Variants in PHACTR3 observed in about 807,000 individuals in gnomAD.
PHACTR3 encodes the protein phosphatase and actin regulator 3.
PHACTR3 carries 16 observed loss-of-function variants against 66.8 expected under a neutral mutation model. The ratio of observed to expected loss-of-function variants is 0.24; its 90% CI spans 0.16 to 0.36. The LOEUF is 0.36. Ranked by LOEUF, PHACTR3 falls within the 10% of genes least tolerant of loss-of-function variation. The pLI is 1.00. For synonymous variants in PHACTR3, 323 were observed against 292.1 expected, an observed-to-expected ratio of 1.11 and a Z score of -1.08; for missense variants, 647 against 719.9, an observed-to-expected ratio of 0.90 and a Z score of 1.16.
chr20:59,764,092 G>A (rs113580124), intron 4 of PHACTR3, among the ~76,000 whole-genome samples: 71 of 152,266 alleles, frequency 4.7e-4, no homozygotes, highest in African/African-American at 1.6e-3. Flanking sequence ...CAGGCCAAGC[G>A]GGACAACCTG....
Position 59,604,951 on chromosome 20 carries a change from G to A in PHACTR3, c.-64G>A. 1 of 1,208,780 alleles carries A rather than the reference G, an allele frequency of 8.3e-7. No homozygotes were observed. 74.9% of individuals were successfully genotyped at this position (1,208,780 alleles called of 1,614,324 possible). On this transcript the variant is annotated 5_prime_UTR_variant, in exon 1 of 13. Transcript: ENST00000371015. ...CTCCAGCCCCCTCGCCGGTGACCTT[G>A]GCCGCCTCGGATGCTCTGATTCCAC...
At chr20:59,795,939 C>T (rs2041242324) in intron 7 of PHACTR3, among the ~76,000 whole-genome samples, 1 of 152,076 alleles carries the variant, frequency 6.6e-6, no homozygotes, top group Non-Finnish European at 1.5e-5. Flanking sequence ...TCTATTTTAG[C>T]TGGAGACTTT....
chr20:59,816,681 G>C (rs2041896052), intron 8 of PHACTR3, among the ~76,000 whole-genome samples: 1 of 152,220 alleles, frequency 6.6e-6, no homozygotes, highest in African/African-American at 2.4e-5. Flanking sequence ...CTGGTACACA[G>C]TAGGCTCCCA....
chr20:59,604,101 T>C (rs1742169446), upstream of PHACTR3, among the ~76,000 whole-genome samples: 1 of 151,782 alleles, frequency 6.6e-6, no homozygotes, highest in African/African-American at 2.4e-5. Context: ...GAGCGAGGGT[T>C]CGGAGGGTCC....
chr20:59,615,584 T>C (rs2033999630), intron 1 of PHACTR3, among the ~76,000 whole-genome samples: 1 of 152,208 alleles, frequency 6.6e-6, no homozygotes, highest in South Asian at 2.1e-4. Context: ...TCTCCAGACC[T>C]CCGTGGCCCT....
chr20:59,683,293 C>A lies in PHACTR3; in HGVS notation c.119-59814C>A, dbSNP rs568477351. On this transcript the variant is annotated intron_variant, in intron 1 of 12. Coordinates refer to ENST00000371015, the MANE Select transcript of PHACTR3 (RefSeq NM_080672.5). ...GAATTTGGAGCATCTATTTGACATC[C>A]GTGCAAAGATGACAAATTGGCAATT... Among the ~76,000 whole-genome samples the A allele has an allele frequency of 3.9e-5, 6 of 152,266 alleles. No homozygotes were observed. In the East Asian group the frequency reaches 1.2e-3, roughly 29 times the overall value.
intron 7 of PHACTR3, among the ~76,000 whole-genome samples, chr20:59,792,858 A>G (rs1319694233): frequency 6.6e-6 from 1 of 152,134 alleles, no homozygotes; most frequent in Non-Finnish European, 1.5e-5. Context: ...TGTTTTGGTT[A>G]CTATAGCTTT....
chr20:59,591,398 G>A (rs2033178272), intron 1 of PHACTR3, among the ~76,000 whole-genome samples: 2 of 152,186 alleles, frequency 1.3e-5, no homozygotes, highest in African/African-American at 4.8e-5. Flanking sequence ...CCCAGCTCTG[G>A]CCTTGGCCTC....
At chr20:59,836,316 G>C in intron 8 of PHACTR3, 189 bp from the exon 9 acceptor site, 1 of 568,246 alleles carries the variant, frequency 1.8e-6, no homozygotes, top group Non-Finnish European at 3.1e-6. Context: ...GGAGAGCTTT[G>C]ACTGTCACCT....
chr20:59,660,273 T>G (rs973582749), intron 1 of PHACTR3, among the ~76,000 whole-genome samples: 1 of 152,286 alleles, frequency 6.6e-6, no homozygotes, highest in South Asian at 2.1e-4. Context: ...GGTGGGCAGA[T>G]CACGAGGTCA....
chr20:59,634,194 T>C (rs1395441091), intron 1 of PHACTR3, among the ~76,000 whole-genome samples: 4 of 152,192 alleles, frequency 2.6e-5, no homozygotes, highest in African/African-American at 4.8e-5. Context: ...GCTGGAAATA[T>C]TTAAGGCAAT....
chr20:59,676,850 C>A, intron 1 of PHACTR3: 1 of 452,432 alleles, frequency 2.2e-6, no homozygotes, highest in Non-Finnish European at 2.9e-6. Context: ...AAAGGGTTTG[C>A]AAATTCTAGC....
intron 2 of PHACTR3, among the ~76,000 whole-genome samples, chr20:59,746,881 T>C (rs930392158): frequency 6.6e-6 from 1 of 152,104 alleles, no homozygotes; most frequent in Non-Finnish European, 1.5e-5. Context: ...TGAGATGTAA[T>C]TGGTTCATTG....
chr20:59,794,085 C>T (rs1317828953), intron 7 of PHACTR3, among the ~76,000 whole-genome samples: 4 of 136,014 alleles, frequency 2.9e-5, no homozygotes, highest in African/African-American at 5.6e-5. Flanking sequence ...GATTGTGCCA[C>T]TGCACTCCAG....
chr20:59,654,258 G>A (rs954843924), intron 1 of PHACTR3, among the ~76,000 whole-genome samples: 1 of 152,116 alleles, frequency 6.6e-6, no homozygotes, highest in African/African-American at 2.4e-5. Context: ...CTGCCTTCCT[G>A]TTTTATTTAT....
At chr20:59,584,002 C>T (rs890169061) in intron 1 of PHACTR3, among the ~76,000 whole-genome samples, 13 of 152,222 alleles carry the variant, frequency 8.5e-5, no homozygotes, top group African/African-American at 2.9e-4. Flanking sequence ...TGGGCCAGAC[C>T]GGTGGGCTCG....
At chr20:59,592,713 T>G (rs910882966) in intron 1 of PHACTR3, among the ~76,000 whole-genome samples, 1 of 152,220 alleles carries the variant, frequency 6.6e-6, no homozygotes, top group African/African-American at 2.4e-5. Flanking sequence ...TAATTTTGCC[T>G]TTTTCAAGAA....
chr20:59,779,235 T>C (rs1397569347), intron 7 of PHACTR3, among the ~76,000 whole-genome samples: 2 of 152,214 alleles, frequency 1.3e-5, no homozygotes, highest in African/African-American at 4.8e-5. Context: ...CAGAAAGCAG[T>C]GCTTTGCTTT....
At chr20:59,591,830 T>C (rs987688031) in intron 1 of PHACTR3, among the ~76,000 whole-genome samples, 16 of 152,174 alleles carry the variant, frequency 1.1e-4, no homozygotes. Context: ...GTTGTTTTTC[T>C]ATAAAGTGAT....
Sources: allele counts gnomAD v4.1 joint callset (sites outside exome capture counted in the v4.1 genomes callset), GRCh38; gene constraint gnomAD v4.1.1; transcripts MANE v1.5; gene names NCBI Gene and HGNC (gene_info 2026-07-23, HGNC 2026-07-21).